FAM53B: variants seen among roughly 807,000 people sequenced by gnomAD.
FAM53B encodes the protein family with sequence similarity 53 member B, also known as protein FAM53B.
Under a neutral mutation model 32.7 loss-of-function variants are expected in FAM53B, and 12 were observed. The ratio of observed to expected loss-of-function variants is 0.37; its 90% CI spans 0.24 to 0.59. FAM53B has a LOEUF of 0.59. Ranked by LOEUF, FAM53B falls within the 20% of genes least tolerant of loss-of-function variation. The probability of loss-of-function intolerance (pLI) is 0.72; values close to 1 mark genes in which losing one functional copy is unlikely to be tolerated. For synonymous variants in FAM53B, 234 were observed against 228.7 expected (o/e 1.02, Z -0.21); for missense variants, 477 against 577.7 (o/e 0.83, Z 1.79).
intron 1 of FAM53B, among the ~76,000 whole-genome samples, chr10:124,734,553 G>A (rs1448307277): frequency 5.3e-5 from 8 of 152,168 alleles, no homozygotes; most frequent in African/African-American, 1.9e-4. Flanking sequence ...GGATCTCATT[G>A]TCCTAGCAGG....
At chr10:124,672,615 A>G (rs1450134412) in intron 4 of FAM53B, among the ~76,000 whole-genome samples, 2 of 152,342 alleles carry the variant, frequency 1.3e-5, no homozygotes, top group Middle Eastern at 3.4e-3. Context: ...AGAAACCATG[A>G]AAGAATCCTC....
chr10:124,654,855 T>TGTC (rs1347709049), intron 4 of FAM53B, among the ~76,000 whole-genome samples: 1 of 152,216 alleles, frequency 6.6e-6, no homozygotes, highest in Non-Finnish European at 1.5e-5. Flanking sequence ...CTGCTCGCCC[T>TGTC]GTCTGTGTCT....
intron 1 of FAM53B, among the ~76,000 whole-genome samples, chr10:124,709,103 G>A (rs1156415499): frequency 6.6e-6 from 1 of 152,250 alleles, no homozygotes; most frequent in East Asian, 1.9e-4. Context: ...TCATGGGGGA[G>A]GCTGGGAGTC....
chr10:124,738,523 T>G (rs1359327707), intron 1 of FAM53B, among the ~76,000 whole-genome samples: 1 of 151,832 alleles, frequency 6.6e-6, no homozygotes, highest in African/African-American at 2.4e-5. Context: ...AGGCAGGCCT[T>G]GCTAGAGATG....
intron 4 of FAM53B, among the ~76,000 whole-genome samples, chr10:124,662,461 CCCATCCATCCATCCATCCATCCAT>C (rs79363634): frequency 2.5e-4 from 30 of 119,896 alleles, no homozygotes; most frequent in Middle Eastern, 4.5e-3. Flanking sequence ...CACCCACCCA[CCCATCCATCCATCCATCCATCCAT>C]CCATCCATCC....
rs978820410 is a variant in FAM53B at position 124,665,757 on chromosome 10, A to G, written c.906+15850T>C. Among the ~76,000 whole-genome samples, 4 of 152,168 alleles carry G rather than the reference A, an allele frequency of 2.6e-5. No homozygotes were observed. In the East Asian group the frequency reaches 7.7e-4, roughly 29 times the overall value. Reference sequence around the variant, plus strand: ...TGTGACCTCCAGGAGGCCAGGGCTAACTGTCCTCTCCATTGCTGCATCCCT... The same window carrying G: ...TGTGACCTCCAGGAGGCCAGGGCTAGCTGTCCTCTCCATTGCTGCATCCCT... On this transcript the variant is annotated intron_variant, in intron 4 of 4. Transcript: ENST00000337318.
At chr10:124,735,525 A>C (rs1225137436) in intron 1 of FAM53B, among the ~76,000 whole-genome samples, 1 of 152,218 alleles carries the variant, frequency 6.6e-6, no homozygotes, top group Non-Finnish European at 1.5e-5. Context: ...TGGAGGAGAA[A>C]AGGCTCTATC....
chr10:124,643,676 G>A (rs1202273096), intron 4 of FAM53B, among the ~76,000 whole-genome samples: 1 of 152,260 alleles, frequency 6.6e-6, no homozygotes, highest in Non-Finnish European at 1.5e-5. Flanking sequence ...CGAAGAGGCT[G>A]CATTCACGGC....
intron 4 of FAM53B, among the ~76,000 whole-genome samples, chr10:124,636,781 G>A (rs563054464): frequency 6.6e-6 from 1 of 152,026 alleles, no homozygotes; most frequent in East Asian, 1.9e-4. Context: ...CTCGGTGGCC[G>A]CAGGACACAC....
chr10:124,730,926 T>G (rs1589767130), intron 1 of FAM53B, among the ~76,000 whole-genome samples: 2 of 152,328 alleles, frequency 1.3e-5, no homozygotes, highest in Middle Eastern at 3.4e-3. Context: ...ATTCTGCTGC[T>G]GTGGTGTGAA....
At chr10:124,642,833 C>G (rs752398876) in intron 4 of FAM53B, among the ~76,000 whole-genome samples, 12 of 152,228 alleles carry the variant, frequency 7.9e-5, no homozygotes, top group Non-Finnish European at 1.5e-4. Context: ...CTTGAAGCTG[C>G]AGCACACGGC....
At chr10:124,676,462 C>T (rs776181382) in intron 4 of FAM53B, among the ~76,000 whole-genome samples, 1 of 152,148 alleles carries the variant, frequency 6.6e-6, no homozygotes, top group Non-Finnish European at 1.5e-5. Flanking sequence ...CTGGGCCTGC[C>T]GCACAGGAAC....
chr10:124,639,232 G>A (rs561993719), intron 4 of FAM53B, among the ~76,000 whole-genome samples: 4 of 152,234 alleles, frequency 2.6e-5, no homozygotes, highest in South Asian at 2.1e-4. Flanking sequence ...TACCAGGACC[G>A]GGCCAGACCC....
At chr10:124,650,698 G>A (rs1466569011) in intron 4 of FAM53B, among the ~76,000 whole-genome samples, 1 of 152,116 alleles carries the variant, frequency 6.6e-6, no homozygotes, top group African/African-American at 2.4e-5. Context: ...CTCCCAGAGT[G>A]AGGCATTCCT....
intron 2 of FAM53B, among the ~76,000 whole-genome samples, chr10:124,706,169 G>A (rs1949956359): frequency 2.6e-5 from 4 of 152,214 alleles, no homozygotes; most frequent in Non-Finnish European, 5.9e-5. Context: ...ACCTTTGGCA[G>A]AGGGTGGCTG....
At chr10:124,641,737 G>A (rs534893675) in intron 4 of FAM53B, among the ~76,000 whole-genome samples, 2 of 152,340 alleles carry the variant, frequency 1.3e-5, no homozygotes, top group African/African-American at 4.8e-5. Flanking sequence ...CCAGAGAGGA[G>A]AGGAGCCCCT....
Position 124,682,359 on chromosome 10 carries a change from G to A in FAM53B, c.154C>T (p.Leu52=). Residue 52 remains leucine (L), a synonymous_variant, in exon 4 of 5, where the codon CTG becomes TTG. Transcript: ENST00000337318. The surrounding 1 kb of genome is among the most constrained non-coding windows in gnomAD (Gnocchi z 5.2). ...ATCTGAAGAGGGCATTTCCTGTCCAGGTCTCGCCATCTGTCATTTTCTGGT... is the reference window on the plus strand; with the variant it reads ...ATCTGAAGAGGGCATTTCCTGTCCAAGTCTCGCCATCTGTCATTTTCTGGT... The part of the protein sequence containing the change: ...GIMENDRWRD[L]DRKCPLQIDQ... 6.2e-7 allele frequency: 1 copy of A among 1,602,370 alleles called. No individual in the cohort carries two copies. The highest frequency in any genetic ancestry group is 1.1e-5 in the South Asian group (1 of 90,926).
At chr10:124,690,756 TAATAAA>T (rs1207382710) in intron 3 of FAM53B, among the ~76,000 whole-genome samples, 1 of 152,180 alleles carries the variant, frequency 6.6e-6, no homozygotes, top group Non-Finnish European at 1.5e-5. Context: ...CATATGACCA[TAATAAA>T]AATAAAAATA....
chr10:124,655,144 C>T (rs1300019305), intron 4 of FAM53B, among the ~76,000 whole-genome samples: 2 of 152,156 alleles, frequency 1.3e-5, no homozygotes, highest in Non-Finnish European at 2.9e-5. Flanking sequence ...CTTCACTCCA[C>T]ATTGGACACT....
Sources: allele counts gnomAD v4.1 joint callset (sites outside exome capture counted in the v4.1 genomes callset), GRCh38; gene constraint gnomAD v4.1.1; non-coding constraint Gnocchi (gnomAD v3.1); transcripts MANE v1.5; gene names NCBI Gene and HGNC (gene_info 2026-07-23, HGNC 2026-07-21).